ASIC2: variants seen among roughly 807,000 people sequenced by gnomAD.
The protein encoded by ASIC2 is acid-sensing ion channel 2.
Under a neutral mutation model 57.3 loss-of-function variants are expected in ASIC2, and 25 were observed. The observed-to-expected ratio is 0.44, with a 90% CI of 0.32 to 0.61. The LOEUF (loss-of-function observed/expected upper bound fraction) is 0.61, where lower values mean the gene tolerates loss of function less well. Ranked by LOEUF, ASIC2 falls within the 20% of genes least tolerant of loss-of-function variation. ASIC2 has a pLI of 0.06. For missense variants in ASIC2, 641 were observed against 738.1 expected (o/e 0.87, Z 1.52); for synonymous variants, 319 against 307.5 (o/e 1.04, Z -0.39).
intron 1 of ASIC2, among the ~76,000 whole-genome samples, chr17:33,370,901 G>C (rs1046358925): frequency 6.6e-6 from 1 of 152,174 alleles, no homozygotes; most frequent in Admixed American, 6.5e-5. Flanking sequence ...AGTGCAAAGC[G>C]AAAGCAAGTT....
intron 1 of ASIC2, among the ~76,000 whole-genome samples, chr17:33,952,018 T>C (rs749766836): frequency 6.6e-5 from 10 of 152,202 alleles, no homozygotes; most frequent in East Asian, 3.8e-4. Context: ...ATTGCATACA[T>C]ATAGTAAATG....
At chr17:34,015,358 T>G (rs149583849) in intron 1 of ASIC2, among the ~76,000 whole-genome samples, 287 of 152,302 alleles carry the variant, frequency 1.9e-3, no homozygotes, top group African/African-American at 6.6e-3. Context: ...GTCAAGGTTT[T>G]AGTTCACAGC....
intron 1 of ASIC2, among the ~76,000 whole-genome samples, chr17:33,549,556 T>G (rs767786179): frequency 1.3e-5 from 2 of 152,186 alleles, no homozygotes; most frequent in Non-Finnish European, 2.9e-5. Context: ...AGACCTTCCT[T>G]TCAAGGCTCA....
At chr17:33,707,444 T>C (rs1259297731) in intron 1 of ASIC2, among the ~76,000 whole-genome samples, 1 of 152,194 alleles carries the variant, frequency 6.6e-6, no homozygotes, top group Admixed American at 6.5e-5. Flanking sequence ...TTCTACTATC[T>C]AGATTTCTTT....
chr17:33,257,704 AG>A (rs150867255), intron 1 of ASIC2, among the ~76,000 whole-genome samples: 1 of 152,314 alleles, frequency 6.6e-6, no homozygotes, highest in Non-Finnish European at 1.5e-5. Context: ...TGAGCAAGGC[AG>A]GTGTGTGGTA....
intron 1 of ASIC2, among the ~76,000 whole-genome samples, chr17:34,056,205 T>C (rs1454330029): frequency 6.6e-6 from 1 of 152,182 alleles, no homozygotes; most frequent in Non-Finnish European, 1.5e-5. Context: ...AACAATAATT[T>C]AGGCAACATC....
chr17:33,014,645 G>C (rs1037944896), intron 9 of ASIC2, among the ~76,000 whole-genome samples: 3 of 152,096 alleles, frequency 2.0e-5, no homozygotes, highest in African/African-American at 7.2e-5. Flanking sequence ...TGGTTCCCAG[G>C]CTGTGGTGGG....
chr17:34,102,842 C>T (rs1910914581), intron 1 of ASIC2, among the ~76,000 whole-genome samples: 1 of 152,132 alleles, frequency 6.6e-6, no homozygotes, highest in African/African-American at 2.4e-5. Flanking sequence ...AAGGAGTGTT[C>T]CTCTTAACGG....
chr17:33,835,624 A>C (rs1913250249), intron 1 of ASIC2, among the ~76,000 whole-genome samples: 1 of 152,192 alleles, frequency 6.6e-6, no homozygotes, highest in African/African-American at 2.4e-5. Flanking sequence ...CTAATGTTAG[A>C]GCTGGAATCC....
At chr17:33,955,662 C>T (rs974322373) in intron 1 of ASIC2, 5 of 152,326 alleles carry the variant, frequency 3.3e-5, no homozygotes, top group African/African-American at 1.2e-4. Flanking sequence ...AAGCCAGCCC[C>T]ACGGGACCCC....
At chr17:33,898,270 C>T (rs1915152647) in intron 1 of ASIC2, among the ~76,000 whole-genome samples, 1 of 105,028 alleles carries the variant, frequency 9.5e-6, no homozygotes, top group Non-Finnish European at 1.8e-5. Flanking sequence ...GAGTCTCGCT[C>T]TGTCACCCAG....
intron 1 of ASIC2, among the ~76,000 whole-genome samples, chr17:33,169,832 G>A (rs1002921528): frequency 6.6e-6 from 1 of 152,168 alleles, no homozygotes; most frequent in Non-Finnish European, 1.5e-5. Context: ...TACATTCCTA[G>A]CCCTCACGGC....
At chr17:33,419,478 G>C (rs933533037) in intron 1 of ASIC2, among the ~76,000 whole-genome samples, 1 of 152,212 alleles carries the variant, frequency 6.6e-6, no homozygotes, top group Non-Finnish European at 1.5e-5. Context: ...GGCTTCTAAT[G>C]CCAGAAAGGG....
intron 1 of ASIC2, among the ~76,000 whole-genome samples, chr17:33,287,378 T>C (rs1417923905): frequency 6.6e-6 from 1 of 152,204 alleles, no homozygotes; most frequent in African/African-American, 2.4e-5. Context: ...TTGGCCTCTG[T>C]TGGTTTCTGT....
At chr17:33,310,022 A>T (rs910736501) in intron 1 of ASIC2, among the ~76,000 whole-genome samples, 1 of 150,814 alleles carries the variant, frequency 6.6e-6, no homozygotes, top group African/African-American at 2.4e-5. Context: ...GAATAATATT[A>T]CTACCATGGT....
chr17:34,081,429 C>G (rs1347091802), intron 1 of ASIC2, among the ~76,000 whole-genome samples: 1 of 152,064 alleles, frequency 6.6e-6, no homozygotes, highest in Non-Finnish European at 1.5e-5. Context: ...CCAGAGGGTA[C>G]GCATCTCCTC....
intron 1 of ASIC2, among the ~76,000 whole-genome samples, chr17:33,696,764 G>A (rs1158999207): frequency 6.6e-6 from 1 of 152,132 alleles, no homozygotes; most frequent in Non-Finnish European, 1.5e-5. Context: ...TATGTTACAT[G>A]TATTGTATAC....
At chr17:33,861,111 G>GA (rs1241416696) in intron 1 of ASIC2, among the ~76,000 whole-genome samples, 1 of 152,024 alleles carries the variant, frequency 6.6e-6, no homozygotes, top group East Asian at 1.9e-4. Context: ...TAAATAGAAG[G>GA]AAAAAACCCC....
chr17:33,767,376 C>T (rs991066117), intron 1 of ASIC2, among the ~76,000 whole-genome samples: 2 of 152,124 alleles, frequency 1.3e-5, no homozygotes, highest in Admixed American at 1.3e-4. Context: ...GTGTGAGACA[C>T]GGTGATAGGC....
Sources: allele counts gnomAD v4.1 joint callset (sites outside exome capture counted in the v4.1 genomes callset), GRCh38; gene constraint gnomAD v4.1.1; transcripts MANE v1.5; gene names NCBI Gene and HGNC (gene_info 2026-07-23, HGNC 2026-07-21).